Variants in PTPN12 observed in about 807,000 individuals in gnomAD.
PTPN12 encodes the protein tyrosine-protein phosphatase non-receptor type 12.
PTPN12 carries 29 observed loss-of-function variants against 97.6 expected under a neutral mutation model. The ratio of observed to expected loss-of-function variants is 0.30; its 90% CI spans 0.22 to 0.41. PTPN12 has a LOEUF of 0.41. PTPN12 is among the 10% of genes least tolerant of loss of function. PTPN12 has a pLI of 1.00. For synonymous variants in PTPN12, 327 were observed against 300.4 expected, an observed-to-expected ratio of 1.09 and a Z score of -0.91; for missense variants, 819 against 926.0, an observed-to-expected ratio of 0.88 and a Z score of 1.50.
chr7:77,610,122 A>G (rs1391610113), intron 9 of PTPN12, among the ~76,000 whole-genome samples: 1 of 152,188 alleles, frequency 6.6e-6, no homozygotes, highest in Non-Finnish European at 1.5e-5. Context: ...AACATTGCCT[A>G]TTGCAGTAGT....
chr7:77,598,035 C>T, intron 7 of PTPN12, 134 bp downstream of exon 7: 1 of 1,191,596 alleles, frequency 8.4e-7, no homozygotes. Context: ...CAAGACTAGC[C>T]TGGGCAACAT....
At chr7:77,620,766 G>A (rs1375224531) in intron 12 of PTPN12, among the ~76,000 whole-genome samples, 1 of 151,846 alleles carries the variant, frequency 6.6e-6, no homozygotes, top group African/African-American at 2.4e-5. Context: ...TGATCAATAT[G>A]GTGAAACCCC....
At chr7:77,603,911 CAG>C (rs1285707547) in intron 8 of PTPN12, among the ~76,000 whole-genome samples, 3 of 92,980 alleles carry the variant, frequency 3.2e-5, no homozygotes, top group Non-Finnish European at 5.7e-5. Flanking sequence ...TTTTTTGAGA[CAG>C]AGTCTTGCAC....
intron 1 of PTPN12, among the ~76,000 whole-genome samples, chr7:77,555,990 A>G (rs571258349): frequency 6.6e-6 from 1 of 152,108 alleles, no homozygotes; most frequent in East Asian, 1.9e-4. Context: ...TTGATTGCCC[A>G]TCTATTCTGG....
At chr7:77,604,632 G>A (rs1412988264) in intron 8 of PTPN12, among the ~76,000 whole-genome samples, 1 of 152,004 alleles carries the variant, frequency 6.6e-6, no homozygotes, top group Non-Finnish European at 1.5e-5. Context: ...GTTTCATTTT[G>A]TCATGTCAGA....
In PTPN12 at chr7:77,611,053, G is replaced by T. The variant is rs1341973683; in HGVS notation, c.939+7G>T. 6.3e-7 allele frequency: 1 copy of T among 1,588,618 alleles called. No homozygotes were observed. The highest frequency in any genetic ancestry group is 2.2e-5 in the East Asian group (1 of 44,624). Reference sequence around the variant, plus strand: ...GAAAATTGCTGATGGAGTGGTAGGTGTTCTTGGTCTATTAATTTTAGGAAA... The same window carrying T: ...GAAAATTGCTGATGGAGTGGTAGGTTTTCTTGGTCTATTAATTTTAGGAAA... On this transcript the variant is annotated splice_region_variant and intron_variant, in intron 11 of 17. Transcript: ENST00000248594.
intron 5 of PTPN12, among the ~76,000 whole-genome samples, chr7:77,585,793 A>C (rs918367884): frequency 2.6e-5 from 4 of 152,174 alleles, no homozygotes; most frequent in African/African-American, 4.8e-5. Flanking sequence ...ACACACAGGC[A>C]TACCTCAGAG....
At chr7:77,638,964 A>T in intron 17 of PTPN12, 2 of 779,402 alleles carry the variant, frequency 2.6e-6, no homozygotes, top group Non-Finnish European at 3.7e-6. Flanking sequence ...CTAAATTATC[A>T]TGGATATTTT....
chr7:77,561,937 G>A (rs1193624496), intron 1 of PTPN12, among the ~76,000 whole-genome samples: 1 of 151,818 alleles, frequency 6.6e-6, no homozygotes, highest in East Asian at 1.9e-4. Context: ...GACTACAAGT[G>A]CCCATCACCA....
chr7:77,541,645 A>T (rs1214022055), intron 1 of PTPN12, among the ~76,000 whole-genome samples: 1 of 152,078 alleles, frequency 6.6e-6, no homozygotes, highest in African/African-American at 2.4e-5. Context: ...TCATATTATA[A>T]TTTTCTTGAT....
At chr7:77,604,807 A>ATT in intron 8 of PTPN12, 1 of 368,588 alleles carries the variant, frequency 2.7e-6, no homozygotes, top group Non-Finnish European at 5.4e-6. Context: ...ATATATATAT[A>ATT]TTTTTATCCA....
chr7:77,622,415 A>G (rs1035185118), intron 12 of PTPN12, among the ~76,000 whole-genome samples: 5 of 152,302 alleles, frequency 3.3e-5, no homozygotes, highest in Non-Finnish European at 7.4e-5. Flanking sequence ...TTTCTCAGTC[A>G]TTGGGAAATG....
rs551148398 is a variant in PTPN12 at position 77,537,767 on chromosome 7, C to T, written c.99+122C>T. On this transcript the variant is annotated intron_variant, in intron 1 of 17. Coordinates refer to ENST00000248594, the MANE Select transcript of PTPN12 (RefSeq NM_002835.4). ...AGGAGAGGGGCGGAGGGGGCGCGCACCAGCCGGGTGAGCCGGGTGGTCTCG... is the reference window on the plus strand; with the variant it reads ...AGGAGAGGGGCGGAGGGGGCGCGCATCAGCCGGGTGAGCCGGGTGGTCTCG... 29 of 1,108,384 alleles carry T rather than the reference C, an allele frequency of 2.6e-5. No individual in the cohort carries two copies. The African/African-American group carries it at 3.5e-4, about 13-fold the overall frequency. 68.7% of individuals were successfully genotyped at this position (1,108,384 alleles called of 1,614,324 possible). A position where few individuals can be genotyped will look rare whatever the true frequency, so the allele number is the denominator to read the frequency against.
rs979100318 is a variant in PTPN12, at chr7:77,537,708, C to T, written c.99+63C>T. On this transcript the variant is annotated intron_variant, in intron 1 of 17. Coordinates refer to ENST00000248594, the MANE Select transcript of PTPN12 (RefSeq NM_002835.4). ...CGCCGGAGCCCATCGCCGCCTCTCC[C>T]GGCCGGGCCGCCAGTGCTTTGTGTA... 8 of 1,503,774 alleles carry T rather than the reference C, an allele frequency of 5.3e-6. No individual in the cohort carries two copies. In the African/African-American group the frequency reaches 8.6e-5, roughly 16 times the overall value. The allele number at this position is 1,503,774 out of a possible 1,614,324, so 93.2% of individuals were successfully genotyped here. A position where few individuals can be genotyped will look rare whatever the true frequency, so the allele number is the denominator to read the frequency against.
intron 11 of PTPN12, among the ~76,000 whole-genome samples, chr7:77,614,173 T>C (rs1361799356): frequency 6.6e-6 from 1 of 152,186 alleles, no homozygotes; most frequent in African/African-American, 2.4e-5. Context: ...GCATGAGCCA[T>C]TGTGCCCAGC....
rs373818067 is a variant in PTPN12, at chr7:77,602,257, A to G, written c.695+1451A>G. Among the ~76,000 whole-genome samples, 119 of 152,308 alleles carry G rather than the reference A, an allele frequency of 7.8e-4. 2 individuals carry two copies. The South Asian group carries it at 0.023, about 29-fold the overall frequency. ...TAAGATAACCAACTTTTCTTAATCT[A>G]ACATTTTGGCTTATTTCTGTCATCT... On this transcript the variant is annotated intron_variant, in intron 8 of 17. Transcript: ENST00000248594.
intron 17 of PTPN12, 42 bp from the exon 18 acceptor site, chr7:77,639,177 A>G (rs1205401983): frequency 1.3e-6 from 2 of 1,488,902 alleles, no homozygotes; most frequent in Non-Finnish European, 1.9e-6. Context: ...GTTTGAAAGT[A>G]TTTCTGAACA....
In PTPN12 at chr7:77,639,217, A is replaced by G; in HGVS notation, c.2282-2A>G. The stretch of plus-strand genomic sequence containing the variant: ...CTAGTTATTGTGGTGTTTTCACTGT[A>G]GGTTTTGGTAATCGATGTGGAAAAC... On this transcript the variant is annotated splice_acceptor_variant, in intron 17 of 17. Transcript: ENST00000248594. LOFTEE classifies it high-confidence loss of function. 2 of 1,609,708 alleles carry G rather than the reference A, an allele frequency of 1.2e-6. No homozygotes were observed. The highest frequency in any genetic ancestry group is 1.7e-6 in the Non-Finnish European group (2 of 1,177,064).
intron 13 of PTPN12, 117 bp downstream of exon 13, chr7:77,627,792 G>T (rs1433553502): frequency 9.8e-7 from 1 of 1,022,244 alleles, no homozygotes; most frequent in East Asian, 2.8e-5. Flanking sequence ...AGAACCTACA[G>T]CAAAATCTGT....
Sources: allele counts gnomAD v4.1 joint callset (sites outside exome capture counted in the v4.1 genomes callset), GRCh38; gene constraint gnomAD v4.1.1; transcripts MANE v1.5; gene names NCBI Gene and HGNC (gene_info 2026-07-23, HGNC 2026-07-21).